Variants in VTI1A observed in about 807,000 individuals in gnomAD.
VTI1A encodes vesicle transport through interaction with t-SNAREs 1A.
VTI1A carries 22 observed loss-of-function variants against 34.9 expected under a neutral mutation model. The observed-to-expected ratio is 0.63, with a 90% CI of 0.45 to 0.90. The LOEUF (loss-of-function observed/expected upper bound fraction) is 0.90, where lower values mean the gene tolerates loss of function less well. VTI1A is among the 40% of genes least tolerant of loss of function. The pLI, the probability that VTI1A is intolerant of heterozygous loss-of-function variation, is 0.00. For missense variants in VTI1A, 268 were observed against 275.6 expected, an observed-to-expected ratio of 0.97 and a Z score of 0.20; for synonymous variants, 87 against 97.3, an observed-to-expected ratio of 0.89 and a Z score of 0.62.
Position 112,525,779 on chromosome 10 carries a change from A to C in VTI1A, c.265-1308A>C, listed in dbSNP as rs191515003. On this transcript the variant is annotated intron_variant, in intron 3 of 7. Coordinates refer to ENST00000393077, the MANE Select transcript of VTI1A (RefSeq NM_145206.4). ...GTAACTTCAGAATGATTTAAAGTCT[A>C]TTGGTTGTTCTTGTCTAAGGTTCTT... Among the ~76,000 whole-genome samples the C allele has an allele frequency of 1.1e-4, 16 of 152,244 alleles. No individual in the cohort carries two copies. In the East Asian group the frequency reaches 2.1e-3, roughly 20 times the overall value.
intron 7 of VTI1A, among the ~76,000 whole-genome samples, chr10:112,811,353 G>A (rs926257983): frequency 7.9e-5 from 12 of 152,140 alleles, no homozygotes; most frequent in African/African-American, 2.9e-4. Flanking sequence ...CAGAACTTTT[G>A]CTCTCATTTC....
chr10:112,845,191 G>A, the VTI1A span, among the ~76,000 whole-genome samples: 1 of 148,360 alleles, frequency 6.7e-6, no homozygotes, highest in Non-Finnish European at 1.5e-5. Context: ...CCTGCTCTGC[G>A]GGGTCCTCTG....
intron 3 of VTI1A, among the ~76,000 whole-genome samples, chr10:112,502,758 G>A (rs889749104): frequency 6.6e-5 from 10 of 152,316 alleles, no homozygotes; most frequent in South Asian, 2.1e-4. Context: ...TTGAGAGATC[G>A]TGACCTTTTC....
At chr10:112,549,488 G>T (rs1442184327) in intron 5 of VTI1A, among the ~76,000 whole-genome samples, 1 of 152,128 alleles carries the variant, frequency 6.6e-6, no homozygotes, top group Non-Finnish European at 1.5e-5. Context: ...AAATTGTTGC[G>T]AAAATAACAA....
intron 5 of VTI1A, among the ~76,000 whole-genome samples, chr10:112,605,411 G>A (rs1250557942): frequency 6.6e-6 from 1 of 152,146 alleles, no homozygotes; most frequent in African/African-American, 2.4e-5. Flanking sequence ...ACTTTTCCAG[G>A]GAGGGAGTAA....
intron 7 of VTI1A, among the ~76,000 whole-genome samples, chr10:112,773,301 A>G (rs1052656087): frequency 6.6e-6 from 1 of 152,236 alleles, no homozygotes; most frequent in Non-Finnish European, 1.5e-5. Flanking sequence ...TTGGGAAAGC[A>G]CATAGTACCT....
chr10:112,770,738 G>A (rs538050674), intron 7 of VTI1A, among the ~76,000 whole-genome samples: 62 of 152,006 alleles, frequency 4.1e-4, no homozygotes, highest in African/African-American at 1.2e-3. Context: ...AATTAATTCC[G>A]TAGTTAAATC....
chr10:112,639,723 G>A (rs1474120026), intron 5 of VTI1A, among the ~76,000 whole-genome samples: 3 of 152,086 alleles, frequency 2.0e-5, no homozygotes, highest in Non-Finnish European at 4.4e-5. Context: ...TACAGAATAT[G>A]GAAATTTTTA....
intron 7 of VTI1A, among the ~76,000 whole-genome samples, chr10:112,781,717 CATA>C (rs1852133163): frequency 3.1e-4 from 4 of 12,950 alleles, no homozygotes; most frequent in Admixed American, 1.5e-3. Flanking sequence ...GGTGCACACT[CATA>C]GGTGCACACT....
chr10:112,457,498 G>T (rs1270932722), intron 1 of VTI1A, among the ~76,000 whole-genome samples: 2 of 152,106 alleles, frequency 1.3e-5, no homozygotes, highest in African/African-American at 4.8e-5. Flanking sequence ...GTACAAGGGG[G>T]TGATTAACTC....
At chr10:112,664,016 A>T (rs1340532586) in intron 5 of VTI1A, among the ~76,000 whole-genome samples, 1 of 152,162 alleles carries the variant, frequency 6.6e-6, no homozygotes, top group Non-Finnish European at 1.5e-5. Context: ...TCTGCTACTA[A>T]AATTGTTGGT....
chr10:112,457,800 A>G (rs1262823118), intron 1 of VTI1A, among the ~76,000 whole-genome samples: 5 of 152,338 alleles, frequency 3.3e-5, no homozygotes, highest in African/African-American at 1.2e-4. Context: ...TGCCTAACAG[A>G]GGACCGTGAG....
the VTI1A span, among the ~76,000 whole-genome samples, chr10:112,836,612 C>T: frequency 6.6e-6 from 1 of 152,172 alleles, no homozygotes; most frequent in Non-Finnish European, 1.5e-5. Flanking sequence ...TAACCTGACT[C>T]CAAGATTGGA....
intron 7 of VTI1A, among the ~76,000 whole-genome samples, chr10:112,804,029 CA>C (rs564551350): frequency 1.3e-5 from 2 of 152,324 alleles, no homozygotes; most frequent in Admixed American, 1.3e-4. Context: ...CCGTGGTGCC[CA>C]GGCTGAAATT....
intron 7 of VTI1A, among the ~76,000 whole-genome samples, chr10:112,714,475 G>A (rs954858775): frequency 6.6e-6 from 1 of 152,210 alleles, no homozygotes; most frequent in African/African-American, 2.4e-5. Flanking sequence ...TGCAAGAGGA[G>A]TTGGCATAGA....
chr10:112,539,892 T>C (rs1037208319), intron 5 of VTI1A, among the ~76,000 whole-genome samples: 4 of 152,204 alleles, frequency 2.6e-5, no homozygotes, highest in African/African-American at 4.8e-5. Flanking sequence ...TAACTTTTAT[T>C]ATGATTGAAA....
chr10:112,798,867 C>T (rs1438972662), intron 7 of VTI1A, among the ~76,000 whole-genome samples: 2 of 152,186 alleles, frequency 1.3e-5, no homozygotes, highest in African/African-American at 2.4e-5. Flanking sequence ...TGACCTATAA[C>T]ACGCTGCATA....
chr10:112,808,683 A>G (rs964323200), intron 7 of VTI1A, among the ~76,000 whole-genome samples: 9 of 152,010 alleles, frequency 5.9e-5, no homozygotes, highest in Non-Finnish European at 1.0e-4. Context: ...GCTGCAGTCA[A>G]TGGGGAATTG....
intron 7 of VTI1A, among the ~76,000 whole-genome samples, chr10:112,763,812 C>T (rs1851561782): frequency 6.6e-6 from 1 of 152,128 alleles, no homozygotes; most frequent in African/African-American, 2.4e-5. Flanking sequence ...GACCTCTAGC[C>T]TCACCCTTTT....
Sources: gnomAD v4.1 joint callset for allele counts (sites outside exome capture counted in the v4.1 genomes callset) on GRCh38, gnomAD v4.1.1 for gene constraint, MANE v1.5 for transcripts, NCBI Gene and HGNC (gene_info 2026-07-23, HGNC 2026-07-21) for gene names.